Variants in ATP7B observed in about 807,000 individuals in gnomAD.
The protein encoded by ATP7B is ATPase copper transporting beta, also known as copper-transporting ATPase 2.
ATP7B carries 113 observed loss-of-function variants against 118.9 expected under a neutral mutation model. The ratio of observed to expected loss-of-function variants is 0.95; its 90% CI spans 0.82 to 1.11. The LOEUF (loss-of-function observed/expected upper bound fraction) is 1.11. Among genes scored for constraint, ATP7B ranks in the 50% most tolerant of loss-of-function variants. ATP7B has a pLI of 0.00. For missense variants in ATP7B, 1,867 were observed against 1,871.4 expected, an observed-to-expected ratio of 1.00 and a Z score of 0.04; for synonymous variants, 777 against 727.4, an observed-to-expected ratio of 1.07 and a Z score of -1.10.
Position 51,950,303 on chromosome 13 carries a change from G to A in ATP7B, c.2544C>T (p.Gly848=), listed in dbSNP as rs200996053. The A allele has an allele frequency of 6.3e-4, 1,019 of 1,614,126 alleles. 1 individual carries two copies. Among genetic ancestry groups the A allele is most frequent in the South Asian group, 7.4e-4 (67 of 91,076 alleles). ...KFPVDGKVLE[G]NTMADESLIT... is the part of the protein sequence containing the mutation. ...TGAGGGACTCATCAGCCATGGTATTGCCTTCCAGGACTTTCCCATCCACTG... is the reference window on the plus strand; with the variant it reads ...TGAGGGACTCATCAGCCATGGTATTACCTTCCAGGACTTTCCCATCCACTG... The change falls in exon 10 of 21, where the codon GGC becomes GGT. Residue 848 remains glycine (G), a synonymous_variant. Coordinates refer to ENST00000242839, the MANE Select transcript of ATP7B (RefSeq NM_000053.4).
rs1231562856 is a variant in ATP7B, at chr13:51,948,815, CT to C, written c.2865+846del. 2.6e-5 allele frequency among the ~76,000 whole-genome samples: 4 copies of C among 152,268 alleles called. No homozygotes were observed. In the East Asian group the frequency reaches 7.7e-4, roughly 29 times the overall value. ...TTCCTAAGATAGTGTTCTTCAACCA[CT>C]TTTTTAAACTCAAAAATGTATATTC... is the stretch of plus-strand genomic sequence containing the variant. On this transcript the variant is annotated intron_variant, in intron 12 of 20. Coordinates refer to ENST00000242839, the MANE Select transcript of ATP7B (RefSeq NM_000053.4).
rs540678491 is a variant in ATP7B at position 52,008,853 on chromosome 13, T to A, written c.51+2434A>T. On this transcript the variant is annotated intron_variant, in intron 1 of 20. Coordinates refer to ENST00000242839, the MANE Select transcript of ATP7B (RefSeq NM_000053.4). ...CTCTCCACCCATGTCAATCCCTATC[T>A]TATTCCCTTATTCTGCTTTCTTTTC... 2.0e-5 allele frequency among the ~76,000 whole-genome samples: 3 copies of A among 150,074 alleles called. No individual in the cohort carries two copies. In the Admixed American group the frequency reaches 2.0e-4, roughly 10 times the overall value.
chr13:51,991,142 C>G (rs1952888120), intron 1 of ATP7B, among the ~76,000 whole-genome samples: 1 of 151,874 alleles, frequency 6.6e-6, no homozygotes, highest in East Asian at 1.9e-4. Context: ...GAACAAAATT[C>G]CATATTCTGG....
At chr13:51,954,048 G>C (rs1036528941) in intron 9 of ATP7B, among the ~76,000 whole-genome samples, 1 of 152,166 alleles carries the variant, frequency 6.6e-6, no homozygotes, top group Non-Finnish European at 1.5e-5. Flanking sequence ...AGAGTGTTCT[G>C]AGAGCACTGA....
At chr13:51,993,280 T>C (rs1028553161) in intron 1 of ATP7B, among the ~76,000 whole-genome samples, 1 of 151,222 alleles carries the variant, frequency 6.6e-6, no homozygotes, top group African/African-American at 2.4e-5. Flanking sequence ...TTAGAAAAAA[T>C]AGAGCTGCCA....
intron 1 of ATP7B, chr13:51,975,403 G>A (rs761159224): frequency 2.9e-5 from 20 of 695,340 alleles, no homozygotes; most frequent in East Asian, 2.7e-4. Flanking sequence ...GTGAAATGTC[G>A]TTCTCACACA....
chr13:51,991,462 C>T (rs1952908383), intron 1 of ATP7B, among the ~76,000 whole-genome samples: 1 of 152,066 alleles, frequency 6.6e-6, no homozygotes, highest in Admixed American at 6.5e-5. Flanking sequence ...GGCAACTGCA[C>T]TCCAACCTGG....
At chr13:52,003,816 G>A (rs925791407) in intron 1 of ATP7B, among the ~76,000 whole-genome samples, 2 of 152,222 alleles carry the variant, frequency 1.3e-5, no homozygotes, top group East Asian at 1.9e-4. Context: ...AAGGCCTGGT[G>A]TCACCAGAGC....
chr13:51,979,966 C>T (rs1593808491), intron 1 of ATP7B, among the ~76,000 whole-genome samples: 2 of 152,158 alleles, frequency 1.3e-5, no homozygotes, highest in Non-Finnish European at 1.5e-5. Flanking sequence ...CTACAAAACA[C>T]TAAAGTATCT....
chr13:51,961,136 T>C (rs1958711238), intron 6 of ATP7B, among the ~76,000 whole-genome samples: 2 of 151,948 alleles, frequency 1.3e-5, no homozygotes, highest in African/African-American at 4.8e-5. Flanking sequence ...CACTCATTCT[T>C]TGAGGCTCAG....
At chr13:51,935,083 T>G in intron 20 of ATP7B, 54 bp from the exon 21 acceptor site, 2 of 1,605,946 alleles carry the variant, frequency 1.2e-6, no homozygotes, top group Non-Finnish European at 8.5e-7. Flanking sequence ...AAGGCTTTTT[T>G]TTTTTCTAAG....
At chr13:52,006,455 T>C (rs1953777531) in intron 1 of ATP7B, among the ~76,000 whole-genome samples, 1 of 152,222 alleles carries the variant, frequency 6.6e-6, no homozygotes, top group South Asian at 2.1e-4. Context: ...TAGCCTAGTT[T>C]CTCTACTGAG....
chr13:51,949,700 C>T lies in ATP7B; in HGVS notation c.2827G>A (p.Gly943Ser), dbSNP rs28942076. 6 of 1,614,012 alleles carry T rather than the reference C, an allele frequency of 3.7e-6. No homozygotes were observed. Among genetic ancestry groups the T allele is most frequent in the Non-Finnish European group, 4.2e-6 (5 of 1,180,022 alleles). Reference sequence around the variant, plus strand: ...TGAACAACACCAAAATCGATAAAACCGATTACAATCCATACCACCAACGTC... The same window carrying T: ...TGAACAACACCAAAATCGATAAAACTGATTACAATCCATACCACCAACGTC... Reference protein sequence around the residue: ...TLTLVVWIVIGFIDFGVVQRY... With the variant: ...TLTLVVWIVISFIDFGVVQRY... Residue 943 changes from glycine (G) to serine (S), a missense_variant, in exon 12 of 21, where the codon GGT becomes AGT. Gly to Ser is a moderately conservative substitution (Grantham distance 56). Transcript: ENST00000242839.
chr13:51,940,953 G>C (rs893111415), intron 16 of ATP7B, 128 bp downstream of exon 16: 1 of 1,372,790 alleles, frequency 7.3e-7, no homozygotes, highest in Non-Finnish European at 1.0e-6. Context: ...CTGGAAAACA[G>C]GCCTGAAATT....
intron 1 of ATP7B, among the ~76,000 whole-genome samples, chr13:51,982,650 C>G (rs1196826032): frequency 6.6e-6 from 1 of 152,068 alleles, no homozygotes. Context: ...CGAATAGGAA[C>G]AGCTCCAGTC....
intron 1 of ATP7B, among the ~76,000 whole-genome samples, chr13:52,000,327 A>T (rs180852302): frequency 1.3e-5 from 2 of 152,336 alleles, no homozygotes; most frequent in Admixed American, 1.3e-4. Context: ...CTGCATCCTC[A>T]AATGGCAGAA....
At chr13:51,980,174 C>G (rs1006077506) in intron 1 of ATP7B, among the ~76,000 whole-genome samples, 10 of 152,166 alleles carry the variant, frequency 6.6e-5, no homozygotes, top group African/African-American at 2.2e-4. Flanking sequence ...AAATGGAGAG[C>G]AGGCCAAGGT....
At position 51,949,706 on chromosome 13, in the gene ATP7B, C is replaced by A; in HGVS notation, c.2821G>T (p.Val941Leu). The A allele has an allele frequency of 1.9e-6, 3 of 1,614,104 alleles. No individual in the cohort carries two copies. The highest frequency in any genetic ancestry group is 2.5e-6 in the Non-Finnish European group (3 of 1,180,026). ...ACACCAAAATCGATAAAACCGATTA[C>A]AATCCATACCACCAACGTCAAAGTT... is the stretch of plus-strand genomic sequence containing the variant. ...MSTLTLVVWI[V>L]IGFIDFGVVQ... The change falls in exon 12 of 21, where the codon GTA becomes TTA. Residue 941 changes from valine to leucine, a missense_variant. Coordinates refer to ENST00000242839, the MANE Select transcript of ATP7B (RefSeq NM_000053.4).
At position 51,934,828 on chromosome 13, in the gene ATP7B, G is replaced by A. The variant is rs1566428703; in HGVS notation, c.4326C>T (p.Ser1442=). ...TGTCCCCATCATCGTCTGCTGCAGCGCTGTGCCGAGATGGCTTGTCGGACG... is the reference window on the plus strand; with the variant it reads ...TGTCCCCATCATCGTCTGCTGCAGCACTGTGCCGAGATGGCTTGTCGGACG... ...SLTSDKPSRH[S]AAADDDGDKW... is the part of the protein sequence containing the mutation. The change falls in exon 21 of 21, where the codon AGC becomes AGT. Residue 1442 remains serine (S), a synonymous_variant. Transcript: ENST00000242839. 8.1e-6 allele frequency: 13 copies of A among 1,614,058 alleles called. No individual in the cohort carries two copies. The highest frequency in any genetic ancestry group is 6.7e-5 in the East Asian group (3 of 44,900).
Sources: allele counts gnomAD v4.1 joint callset (sites outside exome capture counted in the v4.1 genomes callset), GRCh38; gene constraint gnomAD v4.1.1; transcripts MANE v1.5; gene names NCBI Gene and HGNC (gene_info 2026-07-23, HGNC 2026-07-21).